AAK1: variants seen among roughly 807,000 people sequenced by gnomAD.
The protein encoded by AAK1 is AP2-associated protein kinase 1.
Under a neutral mutation model 116.0 loss-of-function variants are expected in AAK1, and 37 were observed. That is an observed-to-expected ratio of 0.32 (90% confidence interval 0.25 to 0.42). The LOEUF (loss-of-function observed/expected upper bound fraction) is 0.42. Ranked by LOEUF, AAK1 falls within the 10% of genes least tolerant of loss-of-function variation. The pLI, the probability that AAK1 is intolerant of heterozygous loss-of-function variation, is 1.00. For synonymous variants in AAK1, 458 were observed against 439.9 expected, an observed-to-expected ratio of 1.04 and a Z score of -0.51; for missense variants, 919 against 1,170.6, an observed-to-expected ratio of 0.79 and a Z score of 3.14.
chr2:69,467,787 A>T lies in AAK1; in HGVS notation c.*8082T>A. The T allele has an allele frequency of 1.0e-6, 1 of 985,450 alleles. No homozygotes were observed. Among genetic ancestry groups the T allele is most frequent in the Non-Finnish European group, 1.2e-6 (1 of 829,918 alleles). 61.0% of individuals were successfully genotyped at this position (985,450 alleles called of 1,614,324 possible). On this transcript the variant is annotated 3_prime_UTR_variant, in exon 22 of 22. Transcript: ENST00000409085. Reference sequence around the variant, plus strand: ...TTAAGCACACAGACCACAGCAGAAGAGGCATTAAAATCAGTTTATTGGGAA... The same window carrying T: ...TTAAGCACACAGACCACAGCAGAAGTGGCATTAAAATCAGTTTATTGGGAA...
At chr2:69,526,810 G>A (rs980734752) in intron 9 of AAK1, among the ~76,000 whole-genome samples, 8 of 152,150 alleles carry the variant, frequency 5.3e-5, no homozygotes, top group African/African-American at 1.4e-4. Context: ...GAAGGAGAAC[G>A]GGGACAAGGG....
rs1433465006 is a variant in AAK1 at position 69,530,137 on chromosome 2, G to C, written c.742C>G (p.Leu248Val). 4 of 1,605,278 alleles carry C rather than the reference G, an allele frequency of 2.5e-6. No homozygotes were observed. Among genetic ancestry groups the C allele is most frequent in the Non-Finnish European group, 3.4e-6 (4 of 1,177,204 alleles). Reference protein sequence around the residue: ...IITTKADIWALGCLLYKLCYF... With the variant: ...IITTKADIWAVGCLLYKLCYF... ...CATAATTTATACAACAAACATCCAAGAGCCTAAAAAATAAAGATAGCAGAT... is the reference window on the plus strand; with the variant it reads ...CATAATTTATACAACAAACATCCAACAGCCTAAAAAATAAAGATAGCAGAT... The change falls in exon 8 of 22, where the codon CTT becomes GTT. Residue 248 changes from leucine to valine, a missense_variant. Around this residue, in one of 4 missense-constraint regions of AAK1, gnomAD observed 317 missense variants for 490.4 expected, o/e 0.65. Coordinates refer to ENST00000409085, the MANE Select transcript of AAK1 (RefSeq NM_014911.5).
At chr2:69,487,996 G>T (rs1168387991) in intron 17 of AAK1, among the ~76,000 whole-genome samples, 1 of 151,948 alleles carries the variant, frequency 6.6e-6, no homozygotes, top group East Asian at 1.9e-4. Flanking sequence ...TCGCCATGTG[G>T]GCCAGGCTGG....
intron 5 of AAK1, among the ~76,000 whole-genome samples, chr2:69,535,018 G>A (rs1293541482): frequency 6.6e-6 from 1 of 152,166 alleles, no homozygotes; most frequent in African/African-American, 2.4e-5. Flanking sequence ...CACACGCCAG[G>A]GACCCTTAAA....
chr2:69,592,851 T>C (rs769007319), intron 2 of AAK1, among the ~76,000 whole-genome samples: 5 of 152,250 alleles, frequency 3.3e-5, no homozygotes, highest in Non-Finnish European at 7.3e-5. Context: ...GTACACTCCA[T>C]GAACAAGTGA....
At chr2:69,594,592 G>A (rs746413081) in intron 2 of AAK1, 44 of 469,966 alleles carry the variant, frequency 9.4e-5, no homozygotes, top group Non-Finnish European at 1.5e-4. Context: ...ACACTACTAT[G>A]TCTAATTACC....
At chr2:69,508,867 T>C (rs1676286678) in intron 14 of AAK1, among the ~76,000 whole-genome samples, 2 of 152,144 alleles carry the variant, frequency 1.3e-5, no homozygotes, top group Non-Finnish European at 2.9e-5. Flanking sequence ...TCAGCTATCA[T>C]GAGGAGCCAG....
At chr2:69,634,950 G>A (rs1385732874) in intron 2 of AAK1, among the ~76,000 whole-genome samples, 1 of 152,064 alleles carries the variant, frequency 6.6e-6, no homozygotes, top group Non-Finnish European at 1.5e-5. Context: ...ATGCACTGGG[G>A]TAGACAAAGA....
chr2:69,611,967 G>A (rs1674103644), intron 2 of AAK1, among the ~76,000 whole-genome samples: 1 of 152,224 alleles, frequency 6.6e-6, no homozygotes, highest in African/African-American at 2.4e-5. Flanking sequence ...GGGACAGAAA[G>A]TAGAATGGTG....
rs996594597 is a variant in AAK1, at chr2:69,460,734, T to C, written c.*15135A>G. The C allele has an allele frequency of 6.6e-6, 1 of 152,224 alleles. No individual in the cohort carries two copies. The highest frequency in any genetic ancestry group is 2.4e-5 in the African/African-American group (1 of 41,456). The allele number at this position is 152,224 out of a possible 1,614,324, so 9.4% of individuals were successfully genotyped here. A position where few individuals can be genotyped will look rare whatever the true frequency, so the allele number is the denominator to read the frequency against. On this transcript the variant is annotated 3_prime_UTR_variant, in exon 22 of 22. Transcript: ENST00000409085. ...CTGCTTCAGCATCAAATTGTGTTCA[T>C]CCCATTTTCTAATCTAACCAAGCAC... is the stretch of plus-strand genomic sequence containing the variant.
chr2:69,553,729 A>C (rs1485577953), intron 3 of AAK1, among the ~76,000 whole-genome samples: 1 of 150,906 alleles, frequency 6.6e-6, no homozygotes, highest in Non-Finnish European at 1.5e-5. Flanking sequence ...GGCATGAGCC[A>C]CCGTGCCCGG....
chr2:69,494,715 C>T (rs1455345561), intron 17 of AAK1, among the ~76,000 whole-genome samples: 2 of 152,170 alleles, frequency 1.3e-5, no homozygotes, highest in African/African-American at 4.8e-5. Context: ...AAAAAAGCGC[C>T]TCTATTTCAT....
chr2:69,482,578 A>G (rs1465028230), intron 18 of AAK1, 133 bp downstream of exon 18: 2 of 766,648 alleles, frequency 2.6e-6, no homozygotes, highest in African/African-American at 3.4e-5. Context: ...GGAGTGATAC[A>G]AGTGAGATTA....
chr2:69,460,168 G>A lies in AAK1; in HGVS notation c.*15701C>T, dbSNP rs955284153. On this transcript the variant is annotated 3_prime_UTR_variant, in exon 22 of 22. Coordinates refer to ENST00000409085, the MANE Select transcript of AAK1 (RefSeq NM_014911.5). The stretch of plus-strand genomic sequence containing the variant: ...TTTATCCAGCAACCATTTCACAGTC[G>A]ACTGGCACGTGTTCTCCAATTTCAG... The A allele has an allele frequency of 2.0e-5, 3 of 152,290 alleles. No individual in the cohort carries two copies. Among genetic ancestry groups the A allele is most frequent in the Non-Finnish European group, 2.9e-5 (2 of 67,990 alleles). 9.4% of individuals were successfully genotyped at this position (152,290 alleles called of 1,614,324 possible). A position where few individuals can be genotyped will look rare whatever the true frequency, so the allele number is the denominator to read the frequency against.
At chr2:69,519,307 G>A (rs1164181246) in intron 11 of AAK1, 67 bp from the exon 12 acceptor site, 5 of 1,466,042 alleles carry the variant, frequency 3.4e-6, no homozygotes, top group Non-Finnish European at 4.5e-6. Flanking sequence ...TTTCTGTCTT[G>A]CCAAAACAAC....
chr2:69,489,316 T>C (rs1675429822), intron 17 of AAK1, among the ~76,000 whole-genome samples: 1 of 151,884 alleles, frequency 6.6e-6, no homozygotes, highest in African/African-American at 2.4e-5. Context: ...CCAGGCGTGG[T>C]GGCGCATGCC....
chr2:69,512,383 A>G (rs376367468), intron 13 of AAK1, among the ~76,000 whole-genome samples: 4 of 152,058 alleles, frequency 2.6e-5, no homozygotes, highest in African/African-American at 9.7e-5. Context: ...TTCCTTTAAC[A>G]TTACCTCATG....
At chr2:69,495,092 G>A (rs1445778012) in intron 17 of AAK1, among the ~76,000 whole-genome samples, 2 of 152,110 alleles carry the variant, frequency 1.3e-5, no homozygotes, top group Non-Finnish European at 2.9e-5. Context: ...TGGGAAAAAA[G>A]GAAAAATGAT....
At chr2:69,514,356 G>T in intron 13 of AAK1, 115 bp downstream of exon 13, 1 of 1,345,590 alleles carries the variant, frequency 7.4e-7, no homozygotes, top group Non-Finnish European at 9.9e-7. Context: ...GAACCACCCA[G>T]GTGGGAAAGC....
Sources: allele counts gnomAD v4.1 joint callset (sites outside exome capture counted in the v4.1 genomes callset), GRCh38; gene constraint gnomAD v4.1.1; regional missense constraint gnomAD v4.1.1; transcripts MANE v1.5; gene names NCBI Gene and HGNC (gene_info 2026-07-23, HGNC 2026-07-21).